The following ITPR1 variants were observed in gnomAD, a reference collection of about 807,000 sequenced individuals.
ITPR1 encodes inositol 1,4,5-trisphosphate-gated calcium channel ITPR1.
ITPR1 carries 96 observed loss-of-function variants against 318.4 expected under a neutral mutation model. That is an observed-to-expected ratio of 0.30 (90% confidence interval 0.26 to 0.36). The LOEUF (loss-of-function observed/expected upper bound fraction) is 0.36, where lower values mean the gene tolerates loss of function less well. Ranked by LOEUF, ITPR1 falls within the 10% of genes least tolerant of loss-of-function variation. The pLI, the probability that ITPR1 is intolerant of heterozygous loss-of-function variation, is 1.00. For missense variants in ITPR1, 2,440 were observed against 3,460.2 expected (o/e 0.71, Z 7.40); for synonymous variants, 1,312 against 1,289.9 (o/e 1.02, Z -0.37).
intron 44 of ITPR1, among the ~76,000 whole-genome samples, chr3:4,755,183 T>A (rs34252530): frequency 0.14 from 21,835 of 151,094 alleles, 1,789 homozygotes; most frequent in Middle Eastern, 0.22. Flanking sequence ...TTTTTTTTTT[T>A]TTTTTTTAGG....
chr3:4,615,957 T>C (rs2092371855), intron 4 of ITPR1, among the ~76,000 whole-genome samples: 1 of 152,142 alleles, frequency 6.6e-6, no homozygotes, highest in Non-Finnish European at 1.5e-5. Context: ...AGCTCATCTT[T>C]TGTCTTCTAA....
intron 4 of ITPR1, among the ~76,000 whole-genome samples, chr3:4,594,549 TG>T (rs2090645566): frequency 6.6e-6 from 1 of 152,200 alleles, no homozygotes; most frequent in Admixed American, 6.5e-5. Context: ...TCTTAGTGTG[TG>T]CCTATTCTTA....
chr3:4,522,011 A>G (rs1047649176), intron 4 of ITPR1, among the ~76,000 whole-genome samples: 4 of 149,606 alleles, frequency 2.7e-5, no homozygotes, highest in Admixed American at 1.3e-4. Context: ...TCTTTGAAAT[A>G]CACTTGGTAT....
At chr3:4,518,960 C>A (rs1005079337) in intron 3 of ITPR1, among the ~76,000 whole-genome samples, 1 of 152,154 alleles carries the variant, frequency 6.6e-6, no homozygotes, top group South Asian at 2.1e-4. Flanking sequence ...CCTCATCCTA[C>A]AGCACAGCTT....
chr3:4,798,407 A>C (rs1169254559), intron 53 of ITPR1, among the ~76,000 whole-genome samples: 4 of 152,232 alleles, frequency 2.6e-5, no homozygotes, highest in Admixed American at 1.3e-4. Flanking sequence ...ACACCATACC[A>C]CTGCAAACCT....
intron 37 of ITPR1, 59 bp downstream of exon 37, chr3:4,706,410 C>T (rs2094758313): frequency 1.4e-6 from 2 of 1,449,444 alleles, no homozygotes; most frequent in Non-Finnish European, 1.9e-6. Flanking sequence ...TTGCCACACA[C>T]AGCAGTGCAT....
In ITPR1 at chr3:4,644,141, C is replaced by T; in HGVS notation, c.531C>T (p.Val177=). ...ATTGCTCCTTTCCATTCCAGGTGGT[C>T]ATAGGTGACAAGGTGGTTCTGAACC... ...YKLRSIGDSV[V]IGDKVVLNPV... is the part of the protein sequence containing the mutation. The change falls in exon 8 of 62, where the codon GTC becomes GTT. Residue 177 remains valine, a synonymous_variant. Coordinates refer to ENST00000649015, the MANE Select transcript of ITPR1 (RefSeq NM_001378452.1). The T allele has an allele frequency of 1.2e-6, 2 of 1,608,894 alleles. No individual in the cohort carries two copies. Among genetic ancestry groups the T allele is most frequent in the Non-Finnish European group, 1.7e-6 (2 of 1,176,880 alleles).
At chr3:4,736,186 C>T (rs2043256834) in intron 44 of ITPR1, among the ~76,000 whole-genome samples, 1 of 151,726 alleles carries the variant, frequency 6.6e-6, no homozygotes, top group African/African-American at 2.4e-5. Context: ...CTCGTGTACA[C>T]ATACACACAC....
chr3:4,834,971 T>C (rs1011942357), intron 60 of ITPR1, among the ~76,000 whole-genome samples: 2 of 152,208 alleles, frequency 1.3e-5, no homozygotes, highest in African/African-American at 4.8e-5. Context: ...GCATTTGTTA[T>C]TAGGGTGCAT....
chr3:4,817,933 G>T (rs887633275), intron 59 of ITPR1, 149 bp from the exon 60 acceptor site: 10 of 579,136 alleles, frequency 1.7e-5, no homozygotes, highest in Non-Finnish European at 2.9e-5. Flanking sequence ...ATGTAAACAT[G>T]AATGTACTTA....
intron 35 of ITPR1, among the ~76,000 whole-genome samples, chr3:4,700,593 G>A (rs2125261874): frequency 6.6e-6 from 1 of 152,270 alleles, no homozygotes; most frequent in South Asian, 2.1e-4. Context: ...TTTTCATGCA[G>A]GCAGGATGCG....
chr3:4,796,268 A>C (rs1289834332), intron 53 of ITPR1, among the ~76,000 whole-genome samples: 1 of 150,454 alleles, frequency 6.6e-6, no homozygotes, highest in East Asian at 1.9e-4. Flanking sequence ...CCCGCTCCGA[A>C]AAGTACAATC....
chr3:4,630,712 A>G (rs181956264), intron 5 of ITPR1, among the ~76,000 whole-genome samples: 466 of 151,808 alleles, frequency 3.1e-3, no homozygotes, highest in Non-Finnish European at 3.8e-3. Context: ...CAGCCTCCCA[A>G]GTAGATGGAA....
chr3:4,841,261 C>T (rs1488794894), intron 61 of ITPR1, among the ~76,000 whole-genome samples: 3 of 152,220 alleles, frequency 2.0e-5, no homozygotes, highest in South Asian at 4.1e-4. Context: ...TCATGGAGCA[C>T]AAAGAAGTAG....
intron 47 of ITPR1, among the ~76,000 whole-genome samples, chr3:4,776,421 G>A (rs1028194973): frequency 1.1e-4 from 17 of 152,142 alleles, no homozygotes; most frequent in Admixed American, 2.6e-4. Flanking sequence ...GGAGAGAGAC[G>A]ACCAAGGCTT....
At chr3:4,609,272 C>T (rs1192573997) in intron 4 of ITPR1, among the ~76,000 whole-genome samples, 1 of 150,984 alleles carries the variant, frequency 6.6e-6, no homozygotes, top group East Asian at 2.0e-4. Flanking sequence ...AAAAGCTTGA[C>T]AGTCATTGTT....
intron 42 of ITPR1, among the ~76,000 whole-genome samples, chr3:4,727,979 A>C (rs2042642485): frequency 6.6e-6 from 1 of 152,202 alleles, no homozygotes; most frequent in African/African-American, 2.4e-5. Context: ...TATTCTAGGT[A>C]TACAACTTTT....
chr3:4,580,529 A>T (rs2089220105), intron 4 of ITPR1, among the ~76,000 whole-genome samples: 1 of 152,186 alleles, frequency 6.6e-6, no homozygotes, highest in Non-Finnish European at 1.5e-5. Context: ...CTGGCAGGAG[A>T]ACAAGTGATA....
At chr3:4,683,335 G>A in intron 26 of ITPR1, 51 bp from the exon 27 acceptor site, 1 of 1,600,502 alleles carries the variant, frequency 6.2e-7, no homozygotes. Context: ...AGGGGCGTGA[G>A]AGGAGGCATT....
Sources: allele counts gnomAD v4.1 joint callset (sites outside exome capture counted in the v4.1 genomes callset), GRCh38; gene constraint gnomAD v4.1.1; transcripts MANE v1.5; gene names NCBI Gene and HGNC (gene_info 2026-07-23, HGNC 2026-07-21).